STPG2: variants seen among roughly 807,000 people sequenced by gnomAD.
STPG2 encodes sperm-tail PG-rich repeat-containing protein 2.
A neutral mutation model predicts 54.2 loss-of-function variants in STPG2; 56 were observed. The observed-to-expected ratio is 1.03, with a 90% CI of 0.83 to 1.29. The LOEUF is 1.29. Ranked by LOEUF, STPG2 falls within the 50% of genes most tolerant of loss-of-function variation. The pLI is 0.00. For synonymous variants in STPG2, 200 were observed against 181.8 expected, an observed-to-expected ratio of 1.10 and a Z score of -0.81; for missense variants, 596 against 544.9, an observed-to-expected ratio of 1.09 and a Z score of -0.93.
intron 10 of STPG2, among the ~76,000 whole-genome samples, chr4:97,680,382 T>G (rs1352125239): frequency 1.3e-5 from 2 of 152,064 alleles, no homozygotes; most frequent in Admixed American, 6.6e-5. Context: ...TTATTCTCGT[T>G]GAAGCAATTG....
At chr4:97,790,944 A>T (rs943395509) in intron 9 of STPG2, among the ~76,000 whole-genome samples, 2 of 152,174 alleles carry the variant, frequency 1.3e-5, no homozygotes, top group Admixed American at 1.3e-4. Context: ...CCAAAAGCTT[A>T]TAGCATTCAG....
chr4:97,808,350 T>C (rs1197148999), intron 9 of STPG2, among the ~76,000 whole-genome samples: 6 of 152,008 alleles, frequency 3.9e-5, no homozygotes. Context: ...ATTAAAATGT[T>C]ATAGTGTTCT....
At chr4:98,106,112 T>C (rs1008023527) in intron 4 of STPG2, 48 bp from the exon 5 acceptor site, 14 of 1,209,406 alleles carry the variant, frequency 1.2e-5, no homozygotes, top group South Asian at 1.6e-5. Context: ...TTTAAACCTA[T>C]AAATATTTAT....
chr4:98,087,612 A>G (rs7670805), intron 5 of STPG2, among the ~76,000 whole-genome samples: 58,105 of 146,244 alleles, frequency 0.4, 11,771 homozygotes, highest in Middle Eastern at 0.46. Flanking sequence ...TCAGGTTGGA[A>G]TGCAGTGCCG....
intron 8 of STPG2, among the ~76,000 whole-genome samples, chr4:97,911,651 A>G (rs1731681255): frequency 6.6e-6 from 1 of 152,146 alleles, no homozygotes; most frequent in Admixed American, 6.5e-5. Context: ...GAATTTCAGC[A>G]ACTCTAGCAA....
intron 8 of STPG2, among the ~76,000 whole-genome samples, chr4:97,906,420 C>T (rs1419353826): frequency 2.6e-5 from 4 of 152,232 alleles, no homozygotes; most frequent in South Asian, 2.1e-4. Context: ...GATTCACAGC[C>T]GAATTCTACC....
chr4:97,456,605 A>G (rs1008149934), intron 4 of STPG2, among the ~76,000 whole-genome samples: 24 of 152,146 alleles, frequency 1.6e-4, no homozygotes, highest in Non-Finnish European at 2.9e-4. Context: ...ATAAGAAAAT[A>G]AAAGATGGGG....
Position 97,677,075 on chromosome 4 carries a change from T to TA in STPG2, c.1320+35623dup, listed in dbSNP as rs1223530602. On this transcript the variant is annotated intron_variant, in intron 10 of 10. Transcript: ENST00000295268. ...TTTTTTCAAAATTAAAAGTATGAGG[T>TA]AAAAAAAATTAAAGTCAATTACTGA... Among the ~76,000 whole-genome samples the TA allele has an allele frequency of 2.2e-4, 34 of 152,104 alleles. No homozygotes were observed. The East Asian group carries it at 2.3e-3, about 10-fold the overall frequency.
intron 5 of STPG2, among the ~76,000 whole-genome samples, chr4:98,002,142 T>TTTCATGATCTTACACGC: frequency 6.6e-6 from 1 of 151,738 alleles, no homozygotes; most frequent in Non-Finnish European, 1.5e-5. Flanking sequence ...TTATAAGTAG[T>TTTCATGATCTTACACGC]AGCAGGGTTT....
intron 8 of STPG2, among the ~76,000 whole-genome samples, chr4:97,870,948 T>A (rs1381540989): frequency 1.3e-5 from 2 of 151,042 alleles, no homozygotes; most frequent in Non-Finnish European, 3.0e-5. Context: ...GTACATAAAA[T>A]AGAAATATTA....
intron 10 of STPG2, among the ~76,000 whole-genome samples, chr4:97,699,847 T>A (rs1723707420): frequency 1.3e-5 from 2 of 152,200 alleles, no homozygotes; most frequent in East Asian, 3.9e-4. Flanking sequence ...GTGGAGACCA[T>A]GGGCATTTGA....
chr4:97,948,329 G>C (rs1022703435), intron 7 of STPG2, among the ~76,000 whole-genome samples: 4 of 152,070 alleles, frequency 2.6e-5, no homozygotes, highest in Middle Eastern at 6.8e-3. Flanking sequence ...GGTTAATCTA[G>C]CTAAAGTTAT....
At chr4:97,945,540 T>C (rs1039228676) in intron 7 of STPG2, among the ~76,000 whole-genome samples, 1 of 151,842 alleles carries the variant, frequency 6.6e-6, no homozygotes, top group Non-Finnish European at 1.5e-5. Context: ...GGTGTCTTTT[T>C]AATGTATTGA....
chr4:98,133,569 A>G (rs1408402045), intron 2 of STPG2, among the ~76,000 whole-genome samples: 1 of 152,074 alleles, frequency 6.6e-6, no homozygotes, highest in Non-Finnish European at 1.5e-5. Context: ...GAATAGATGT[A>G]TAAAAATAAC....
chr4:97,729,172 C>G (rs1394691752), intron 9 of STPG2, among the ~76,000 whole-genome samples: 2 of 150,440 alleles, frequency 1.3e-5, no homozygotes, highest in African/African-American at 4.9e-5. Context: ...AAGACTCAGG[C>G]CCTCATCTAA....
At chr4:97,914,512 A>G (rs1245499160) in intron 8 of STPG2, among the ~76,000 whole-genome samples, 1 of 152,226 alleles carries the variant, frequency 6.6e-6, no homozygotes, top group South Asian at 2.1e-4. Flanking sequence ...CCATTGTTGC[A>G]TAACCATAAC....
chr4:97,770,875 T>A (rs1375964562), intron 9 of STPG2, among the ~76,000 whole-genome samples: 1 of 152,194 alleles, frequency 6.6e-6, no homozygotes, highest in Non-Finnish European at 1.5e-5. Flanking sequence ...AGTTGATTTT[T>A]TAGAAGCTCT....
At chr4:97,460,714 A>G (rs1729641469) in intron 4 of STPG2, among the ~76,000 whole-genome samples, 1 of 152,210 alleles carries the variant, frequency 6.6e-6, no homozygotes, top group Non-Finnish European at 1.5e-5. Context: ...AAAACAAAGT[A>G]TCACCAGTCC....
rs557813700 is a variant in STPG2, at chr4:97,449,893, T to G, written c.463-262060A>C. 6.6e-5 allele frequency among the ~76,000 whole-genome samples: 10 copies of G among 152,296 alleles called. No homozygotes were observed. The East Asian group carries it at 1.9e-3, about 29-fold the overall frequency. Reference sequence around the variant, plus strand: ...GTTTTGATTTTGCATAGATGTCTTCTTTTAACAGCATAAACAAACAGAAAC... The same window carrying G: ...GTTTTGATTTTGCATAGATGTCTTCGTTTAACAGCATAAACAAACAGAAAC... On this transcript the variant is annotated intron_variant, in intron 4 of 4. Transcript: ENST00000522676.
Sources: gnomAD v4.1 joint callset for allele counts (sites outside exome capture counted in the v4.1 genomes callset) on GRCh38, gnomAD v4.1.1 for gene constraint, MANE v1.5 for transcripts, NCBI Gene and HGNC (gene_info 2026-07-23, HGNC 2026-07-21) for gene names.